Variants in EYA2 observed in about 807,000 individuals in gnomAD.
The protein encoded by EYA2 is protein phosphatase EYA2.
Under a neutral mutation model 69.2 loss-of-function variants are expected in EYA2, and 31 were observed. That is an observed-to-expected ratio of 0.45 (90% CI 0.34 to 0.60). The LOEUF (loss-of-function observed/expected upper bound fraction) is 0.60, where lower values mean the gene tolerates loss of function less well. Ranked by LOEUF, EYA2 falls within the 20% of genes least tolerant of loss-of-function variation. The pLI is 0.02. For missense variants in EYA2, 622 were observed against 701.2 expected (o/e 0.89, Z 1.28); for synonymous variants, 257 against 279.4 (o/e 0.92, Z 0.80).
chr20:47,179,738 A>G, intron 12 of EYA2, 60 bp from the exon 13 acceptor site: 3 of 1,252,536 alleles, frequency 2.4e-6, no homozygotes, highest in Middle Eastern at 1.9e-4. Flanking sequence ...CCTGTTCCCT[A>G]CCTTCATCCC....
chr20:46,984,113 C>G (rs1006120333), intron 1 of EYA2, among the ~76,000 whole-genome samples: 1 of 152,042 alleles, frequency 6.6e-6, no homozygotes, highest in Non-Finnish European at 1.5e-5. Context: ...AAGGCAGACT[C>G]TAAATGAATT....
chr20:47,003,926 C>T (rs1982530042), intron 3 of EYA2, among the ~76,000 whole-genome samples: 1 of 152,188 alleles, frequency 6.6e-6, no homozygotes, highest in South Asian at 2.1e-4. Context: ...ATAAGAGCCT[C>T]CACCCCAGAG....
intron 10 of EYA2, among the ~76,000 whole-genome samples, chr20:47,147,240 G>A (rs2033722391): frequency 6.6e-6 from 1 of 151,802 alleles, no homozygotes; most frequent in Admixed American, 6.6e-5. Flanking sequence ...GTAGAAACAG[G>A]GCTTCACCTT....
chr20:47,056,036 A>G (rs1305495346), intron 5 of EYA2, among the ~76,000 whole-genome samples: 2 of 152,182 alleles, frequency 1.3e-5, no homozygotes, highest in East Asian at 1.9e-4. Context: ...AGGGCAGCCT[A>G]TCTGAAATGG....
chr20:46,966,604 C>T (rs1465032977), intron 1 of EYA2, among the ~76,000 whole-genome samples: 5 of 152,120 alleles, frequency 3.3e-5, no homozygotes, highest in Admixed American at 2.0e-4. Flanking sequence ...GTCAGGACAT[C>T]GAGACCGTCC....
chr20:46,970,037 C>T lies in EYA2; in HGVS notation c.-10-19964C>T, dbSNP rs538252560. On this transcript the variant is annotated intron_variant, in intron 1 of 15. Coordinates refer to ENST00000327619, the MANE Select transcript of EYA2 (RefSeq NM_005244.5). ...TTATAAAATGCATCTCATGTTCTTC[C>T]GTCGGATCTTCTGACCTGAGGCATA... Among the ~76,000 whole-genome samples the T allele has an allele frequency of 5.9e-5, 9 of 152,298 alleles. No homozygotes were observed. In the South Asian group the frequency reaches 6.2e-4, roughly 11 times the overall value.
At chr20:46,916,920 A>AT (rs1485694327) in intron 1 of EYA2, among the ~76,000 whole-genome samples, 2 of 152,286 alleles carry the variant, frequency 1.3e-5, no homozygotes, top group East Asian at 3.9e-4. Context: ...TGTTAGGAAA[A>AT]ATATATAGAG....
intron 4 of EYA2, among the ~76,000 whole-genome samples, chr20:47,006,211 C>T (rs1982705009): frequency 6.6e-6 from 1 of 152,252 alleles, no homozygotes; most frequent in African/African-American, 2.4e-5. Context: ...CTCCCACATC[C>T]ATCCAAGAAG....
chr20:46,947,197 A>G (rs1159033491), intron 1 of EYA2, among the ~76,000 whole-genome samples: 1 of 152,108 alleles, frequency 6.6e-6, no homozygotes, highest in Non-Finnish European at 1.5e-5. Context: ...GAAGAGCATT[A>G]CTAACCCTCC....
intron 9 of EYA2, among the ~76,000 whole-genome samples, chr20:47,114,149 C>G (rs1367595860): frequency 6.6e-6 from 1 of 152,244 alleles, no homozygotes; most frequent in Non-Finnish European, 1.5e-5. Flanking sequence ...ACACACCATC[C>G]TCTCATCCCT....
At chr20:46,965,914 G>C (rs111467126) in intron 1 of EYA2, among the ~76,000 whole-genome samples, 1 of 152,204 alleles carries the variant, frequency 6.6e-6, no homozygotes, top group East Asian at 1.9e-4. Context: ...CTCTCTTGGG[G>C]TGTGGAGTCA....
chr20:46,960,006 G>A (rs1346041255), intron 1 of EYA2, among the ~76,000 whole-genome samples: 1 of 152,234 alleles, frequency 6.6e-6, no homozygotes, highest in Admixed American at 6.5e-5. Flanking sequence ...GGAAACGGTT[G>A]AAAGAAAATG....
intron 1 of EYA2, among the ~76,000 whole-genome samples, chr20:46,930,853 A>G (rs936179317): frequency 6.6e-6 from 1 of 152,194 alleles, no homozygotes; most frequent in Admixed American, 6.5e-5. Context: ...ATATCAGCCC[A>G]TCTAGTCTTC....
At chr20:47,119,479 G>A (rs914913140) in intron 9 of EYA2, among the ~76,000 whole-genome samples, 1 of 152,220 alleles carries the variant, frequency 6.6e-6, no homozygotes, top group Non-Finnish European at 1.5e-5. Flanking sequence ...CATACTCGTG[G>A]AATATGATTC....
intron 9 of EYA2, among the ~76,000 whole-genome samples, chr20:47,121,409 G>A (rs922485339): frequency 3.3e-5 from 5 of 152,080 alleles, no homozygotes; most frequent in Admixed American, 6.5e-5. Context: ...CAATGTTTTC[G>A]TAGGGGTAGT....
chr20:46,993,339 T>G (rs553579024), intron 2 of EYA2, among the ~76,000 whole-genome samples: 1 of 152,218 alleles, frequency 6.6e-6, no homozygotes, highest in Non-Finnish European at 1.5e-5. Context: ...TCTCCGTCCC[T>G]ATTGCCTTTG....
In EYA2 at chr20:47,182,628, T is replaced by TCAAAAA. The variant is rs779945744; in HGVS notation, c.1436-663_1436-662insCAAAAA. ...TGGGCAACAAGAACGAGACTCCGTC[T>TCAAAAA]AAAAAAAAAAAAAAAAGGTTAAGAT... On this transcript the variant is annotated intron_variant, in intron 14 of 15. Transcript: ENST00000327619. Among the ~76,000 whole-genome samples, 94 of 84,332 alleles carry TCAAAAA rather than the reference T, an allele frequency of 1.1e-3. 8 individuals are homozygous for TCAAAAA. Among genetic ancestry groups the TCAAAAA allele is most frequent in the South Asian group, 1.7e-3 (4 of 2,420 alleles). 55.3% of individuals were successfully genotyped at this position (84,332 alleles called of 152,430 possible).
At position 47,134,837 on chromosome 20, in the gene EYA2, CAG is replaced by C. The variant is rs569389454; in HGVS notation, c.889-8220_889-8219del. Among the ~76,000 whole-genome samples the C allele has an allele frequency of 2.0e-3, 308 of 152,230 alleles. 2 individuals carry two copies. Among genetic ancestry groups the C allele is most frequent in the African/African-American group, 6.4e-3 (266 of 41,544 alleles). On this transcript the variant is annotated intron_variant, in intron 9 of 15. Transcript: ENST00000327619. ...TCCAACAAAACTTTATTTACAAAAA[CAG>C]ACAACGGGCCGGGTGCAGTGGCTCA...
chr20:47,004,434 A>G (rs1982566762), intron 3 of EYA2, among the ~76,000 whole-genome samples: 1 of 152,222 alleles, frequency 6.6e-6, no homozygotes, highest in South Asian at 2.1e-4. Flanking sequence ...AGGCTATGCT[A>G]CAGTAATCAG....
Sources: allele counts gnomAD v4.1 joint callset (sites outside exome capture counted in the v4.1 genomes callset), GRCh38; gene constraint gnomAD v4.1.1; transcripts MANE v1.5; gene names NCBI Gene and HGNC (gene_info 2026-07-23, HGNC 2026-07-21).